The following TMC7 variants were observed in gnomAD, a reference collection of about 807,000 sequenced individuals.
TMC7 encodes transmembrane channel-like protein 7.
Under a neutral mutation model 82.9 loss-of-function variants are expected in TMC7, and 54 were observed. That is an observed-to-expected ratio of 0.65 (90% CI 0.52 to 0.82). The LOEUF is 0.82. TMC7 is among the 40% of genes least tolerant of loss of function. The probability of loss-of-function intolerance (pLI) is 0.00; values close to 1 mark genes in which losing one functional copy is unlikely to be tolerated. For synonymous variants in TMC7, 350 were observed against 337.9 expected (o/e 1.04, Z -0.39); for missense variants, 820 against 901.2 (o/e 0.91, Z 1.15).
intron 6 of TMC7, among the ~76,000 whole-genome samples, chr16:19,034,075 G>T (rs1195181938): frequency 1.3e-5 from 2 of 152,196 alleles, no homozygotes; most frequent in African/African-American, 4.8e-5. Flanking sequence ...ATATGCAACA[G>T]AATTGTATCT....
Position 19,037,937 on chromosome 16 carries a change from C to T in TMC7, c.1069C>T (p.Arg357Cys), listed in dbSNP as rs755192654. The change falls in exon 8 of 16, where the codon CGC (arginine) becomes TGC (cysteine). Residue 357 changes from arginine to cysteine, a missense_variant. Physicochemically the swap from Arg to Cys is radical, Grantham distance 180. This residue lies in a region of TMC7 where 650 missense variants were observed against 669.9 expected (regional missense o/e 0.97). Transcript: ENST00000304381. ...AGAAAGGACCTCAGAAGAAACAATA[C>T]GCATTTACTCTTTGAGACTGTTTTT... Reference protein sequence around the residue: ...IAERTSEETIRIYSLRLFLNC... With the variant: ...IAERTSEETICIYSLRLFLNC... 1.8e-5 allele frequency: 29 copies of T among 1,613,926 alleles called. No homozygotes were observed. The highest frequency in any genetic ancestry group is 4.5e-5 in the East Asian group (2 of 44,860).
chr16:19,048,572 C>T (rs987365669), intron 12 of TMC7, among the ~76,000 whole-genome samples: 1 of 152,074 alleles, frequency 6.6e-6, no homozygotes, highest in Admixed American at 6.6e-5. Flanking sequence ...CAGGCATGTG[C>T]CACCACGCCC....
At chr16:19,005,188 A>G (rs1330485768) in intron 1 of TMC7, among the ~76,000 whole-genome samples, 2 of 151,844 alleles carry the variant, frequency 1.3e-5, no homozygotes, top group Non-Finnish European at 2.9e-5. Flanking sequence ...TCCTGGGTTC[A>G]CGCCATTCTT....
chr16:19,025,845 CCT>C (rs1960200035), intron 5 of TMC7, among the ~76,000 whole-genome samples: 1 of 151,744 alleles, frequency 6.6e-6, no homozygotes, highest in Non-Finnish European at 1.5e-5. Flanking sequence ...ACCTCTGCCT[CCT>C]AGGCTTAAGC....
intron 3 of TMC7, among the ~76,000 whole-genome samples, chr16:19,017,771 C>T (rs1959772959): frequency 6.6e-6 from 1 of 150,380 alleles, no homozygotes; most frequent in Non-Finnish European, 1.5e-5. Flanking sequence ...CCGGGGTTCA[C>T]GCCAGTCTCC....
At position 18,984,019 on chromosome 16, in the gene TMC7, C is replaced by A; in HGVS notation, c.-45C>A. 1 of 1,394,724 alleles carries A rather than the reference C, an allele frequency of 7.2e-7. No homozygotes were observed. The highest frequency in any genetic ancestry group is 9.2e-7 in the Non-Finnish European group (1 of 1,081,410). 86.4% of individuals were successfully genotyped at this position (1,394,724 alleles called of 1,614,324 possible). ...GGGGAGGCGGCGGCGGCGGCGGCGGCTGGAGAGGGTCCTCGGCAGCCTCTG... is the reference window on the plus strand; with the variant it reads ...GGGGAGGCGGCGGCGGCGGCGGCGGATGGAGAGGGTCCTCGGCAGCCTCTG... On this transcript the variant is annotated 5_prime_UTR_variant, in exon 1 of 16. In the 5' UTR this introduces an upstream ATG that the reference lacks. Coordinates refer to ENST00000304381, the MANE Select transcript of TMC7 (RefSeq NM_024847.4).
intron 11 of TMC7, 118 bp from the exon 12 acceptor site, chr16:19,046,945 G>A: frequency 1.2e-6 from 1 of 817,124 alleles, no homozygotes; most frequent in Non-Finnish European, 1.9e-6. Flanking sequence ...GCATCTTTAA[G>A]ACATTTGACT....
At chr16:19,036,944 TAAC>T (rs1053898119) in intron 7 of TMC7, among the ~76,000 whole-genome samples, 2 of 152,126 alleles carry the variant, frequency 1.3e-5, no homozygotes, top group South Asian at 2.1e-4. Context: ...AAAGAAAAAA[TAAC>T]AACACCTCAC....
intron 5 of TMC7, among the ~76,000 whole-genome samples, chr16:19,029,088 A>C (rs187700614): frequency 0.011 from 1,688 of 147,040 alleles, 28 homozygotes; most frequent in African/African-American, 0.038. Context: ...TCACTGCAAG[A>C]TCCGCCTCCC....
At chr16:19,042,517 C>T (rs113743169) in intron 9 of TMC7, among the ~76,000 whole-genome samples, 3,120 of 113,432 alleles carry the variant, frequency 0.028, 45 homozygotes, top group Non-Finnish European at 0.039. Context: ...TTTTTTTTTT[C>T]TTTTTTTTGA....
intron 12 of TMC7, among the ~76,000 whole-genome samples, chr16:19,050,786 C>A (rs2142301274): frequency 6.6e-6 from 1 of 151,968 alleles, no homozygotes; most frequent in South Asian, 2.1e-4. Context: ...CAGGCGTGAG[C>A]CACCACGCCC....
intron 2 of TMC7, among the ~76,000 whole-genome samples, chr16:19,010,179 A>T (rs1386512300): frequency 1.0e-4 from 11 of 106,804 alleles, no homozygotes; most frequent in Admixed American, 2.9e-4. Flanking sequence ...TTTGAGACAC[A>T]GTTTCACTCT....
At chr16:19,014,099 C>T (rs1001762805) in intron 2 of TMC7, among the ~76,000 whole-genome samples, 2 of 151,854 alleles carry the variant, frequency 1.3e-5, no homozygotes, top group Non-Finnish European at 2.9e-5. Context: ...ATCTTCTGAC[C>T]TTGTGATCTG....
At chr16:19,049,723 T>G (rs1199453382) in intron 12 of TMC7, 1 of 945,236 alleles carries the variant, frequency 1.1e-6, no homozygotes, top group African/African-American at 1.8e-5. Flanking sequence ...ACACCAGGCA[T>G]GTCCCGCCGG....
In TMC7 at chr16:19,047,405, T is replaced by G. The variant is rs548282166; in HGVS notation, c.1740+156T>G. Among the ~76,000 whole-genome samples, 166 of 151,752 alleles carry G rather than the reference T, an allele frequency of 1.1e-3. 1 individual carries two copies. Among genetic ancestry groups the G allele is most frequent in the African/African-American group, 3.8e-3 (159 of 41,408 alleles). ...TTTATTCTAGAAAAATATTGCTTTT[T>G]TTTTTTTTTTGAGATGGAGTCTCAC... On this transcript the variant is annotated intron_variant, in intron 12 of 15. Coordinates refer to ENST00000304381, the MANE Select transcript of TMC7 (RefSeq NM_024847.4).
chr16:19,046,463 T>C (rs1433911596), intron 11 of TMC7, among the ~76,000 whole-genome samples: 1 of 152,180 alleles, frequency 6.6e-6, no homozygotes, highest in Non-Finnish European at 1.5e-5. Flanking sequence ...CTGTTATCAT[T>C]CTCTGTTCAC....
At chr16:18,989,529 A>G (rs12931620) in intron 1 of TMC7, among the ~76,000 whole-genome samples, 26,218 of 122,744 alleles carry the variant, frequency 0.21, 3,273 homozygotes, top group Non-Finnish European at 0.26. Flanking sequence ...GCCTGGGGCC[A>G]CCTAGACCTT....
rs1961311103 is a variant in TMC7, at chr16:19,047,136, A to G, written c.1627A>G (p.Asn543Asp). ...GCAGCAGGAGTTTGCCATTCCTGAT[A>G]ACGTCCTGGGGATAGTTTACGGGCA... The part of the protein sequence containing the change: ...WGQQEFAIPD[N>D]VLGIVYGQTI... The change falls in exon 12 of 16, where the codon AAC (asparagine) becomes GAC (aspartate). Residue 543 changes from asparagine (N) to aspartate (D), a missense_variant. Transcript: ENST00000304381. The G allele has an allele frequency of 6.2e-7, 1 of 1,614,060 alleles. No individual in the cohort carries two copies.
chr16:18,989,757 G>C (rs2038915705), intron 1 of TMC7, among the ~76,000 whole-genome samples: 1 of 151,600 alleles, frequency 6.6e-6, no homozygotes, highest in African/African-American at 2.4e-5. Context: ...AAGATGGTAA[G>C]ATAGAGAAGG....
Sources: gnomAD v4.1 joint callset for allele counts (sites outside exome capture counted in the v4.1 genomes callset) on GRCh38, gnomAD v4.1.1 for gene constraint, gnomAD v4.1.1 regional missense constraint, MANE v1.5 for transcripts, NCBI Gene and HGNC (gene_info 2026-07-23, HGNC 2026-07-21) for gene names.